PEBP4: variants seen among roughly 807,000 people sequenced by gnomAD.
PEBP4 encodes the protein phosphatidylethanolamine-binding protein 4.
A neutral mutation model predicts 23.9 loss-of-function variants in PEBP4; 22 were observed. The observed-to-expected ratio is 0.92, with a 90% CI of 0.66 to 1.31. PEBP4 has a LOEUF of 1.31. Ranked by LOEUF, PEBP4 falls within the 40% of genes most tolerant of loss-of-function variation. PEBP4 has a pLI of 0.00. For synonymous variants in PEBP4, 112 were observed against 99.3 expected, an observed-to-expected ratio of 1.13 and a Z score of -0.76; for missense variants, 324 against 281.7, an observed-to-expected ratio of 1.15 and a Z score of -1.07.
chr8:22,779,287 G>A (rs912170134), intron 4 of PEBP4, among the ~76,000 whole-genome samples: 7 of 152,128 alleles, frequency 4.6e-5, no homozygotes, highest in Non-Finnish European at 8.8e-5. Context: ...TACCAGGCAC[G>A]GGTGCTCCCC....
intron 3 of PEBP4, among the ~76,000 whole-genome samples, chr8:22,911,692 G>A (rs77980363): frequency 0.014 from 2,164 of 152,242 alleles, 58 homozygotes; most frequent in African/African-American, 0.049. Context: ...AATCCAAGAA[G>A]CCTTTGCTGA....
chr8:22,807,025 A>G (rs1168368797), intron 4 of PEBP4, among the ~76,000 whole-genome samples: 2 of 152,182 alleles, frequency 1.3e-5, no homozygotes. Context: ...CTGTTTTTGA[A>G]TTCCGATGTT....
intron 4 of PEBP4, among the ~76,000 whole-genome samples, chr8:22,809,697 C>A (rs1218320235): frequency 6.6e-6 from 1 of 152,192 alleles, no homozygotes; most frequent in Non-Finnish European, 1.5e-5. Flanking sequence ...CATCACTTGC[C>A]AAGTGCATCA....
At chr8:22,910,215 AGT>A in intron 3 of PEBP4, among the ~76,000 whole-genome samples, 1 of 152,362 alleles carries the variant, frequency 6.6e-6, no homozygotes, top group East Asian at 1.9e-4. Context: ...GGAGATGAAG[AGT>A]GTGAAATGAC....
rs1159171975 is a variant in PEBP4, at chr8:22,775,879, G to A, written c.357+41758C>T. Among the ~76,000 whole-genome samples, 2 of 152,142 alleles carry A rather than the reference G, an allele frequency of 1.3e-5. No individual in the cohort carries two copies. Among genetic ancestry groups the A allele is most frequent in the African/African-American group, 2.4e-5 (1 of 41,422 alleles). On this transcript the variant is annotated intron_variant, in intron 4 of 6. Transcript: ENST00000256404. The surrounding 1 kb of genome is among the most constrained non-coding windows in gnomAD (Gnocchi z 4.8). ...TCCTTGGCTCTTGGGGGGGTTTCCC[G>A]TTCTGGAGGCGCCGGCAGTGAGCTT...
intron 3 of PEBP4, among the ~76,000 whole-genome samples, chr8:22,878,924 G>A (rs1424445105): frequency 1.3e-5 from 2 of 152,212 alleles, no homozygotes; most frequent in South Asian, 2.1e-4. Flanking sequence ...ACAGAGCACC[G>A]GGTAGGGGGA....
intron 4 of PEBP4, among the ~76,000 whole-genome samples, chr8:22,808,251 C>G (rs1196892000): frequency 6.6e-6 from 1 of 152,056 alleles, no homozygotes. Flanking sequence ...ATCCATCCAT[C>G]CCTCCATCTA....
intron 3 of PEBP4, among the ~76,000 whole-genome samples, chr8:22,824,369 C>T (rs1806923645): frequency 6.6e-6 from 1 of 152,132 alleles, no homozygotes; most frequent in South Asian, 2.1e-4. Context: ...CTCTCCCTCC[C>T]TGCCCTGATG....
At chr8:22,796,376 A>G (rs1378426526) in intron 4 of PEBP4, among the ~76,000 whole-genome samples, 1 of 152,112 alleles carries the variant, frequency 6.6e-6, no homozygotes, top group Non-Finnish European at 1.5e-5. Context: ...AGAGCCCCAT[A>G]CAGTGCCCAG....
At chr8:22,931,273 T>A (rs1809452374), upstream of PEBP4, among the ~76,000 whole-genome samples, 1 of 152,220 alleles carries the variant, frequency 6.6e-6, no homozygotes, top group South Asian at 2.1e-4. Flanking sequence ...ACCCTTTTAA[T>A]ATATATAATC....
At chr8:22,792,024 G>T (rs991007465) in intron 4 of PEBP4, among the ~76,000 whole-genome samples, 1 of 132,212 alleles carries the variant, frequency 7.6e-6, no homozygotes, top group Non-Finnish European at 1.7e-5. Flanking sequence ...GCCTGGCTAA[G>T]AACTTTTTTT....
chr8:22,877,483 G>A (rs1808145701), intron 3 of PEBP4, among the ~76,000 whole-genome samples: 1 of 152,210 alleles, frequency 6.6e-6, no homozygotes, highest in Admixed American at 6.5e-5. Flanking sequence ...GAGCCAGCCA[G>A]AGCCAGGAGG....
chr8:22,881,166 G>C (rs1347542493), intron 3 of PEBP4, among the ~76,000 whole-genome samples: 1 of 152,204 alleles, frequency 6.6e-6, no homozygotes, highest in Non-Finnish European at 1.5e-5. Context: ...TGTCCATGGG[G>C]CCCCACAGGG....
chr8:22,847,568 C>T (rs56326848), intron 3 of PEBP4, among the ~76,000 whole-genome samples: 19,044 of 152,092 alleles, frequency 0.13, 1,408 homozygotes, highest in Middle Eastern at 0.22. Flanking sequence ...GCTAGGTCCC[C>T]CTCTGCTTCT....
intron 4 of PEBP4, among the ~76,000 whole-genome samples, chr8:22,809,272 A>G (rs1806565460): frequency 1.3e-5 from 2 of 152,130 alleles, no homozygotes; most frequent in South Asian, 4.1e-4. Flanking sequence ...GGAGGTAAAC[A>G]ATTTGCTCAT....
intron 1 of PEBP4, among the ~76,000 whole-genome samples, chr8:22,940,869 C>G (rs1037700956): frequency 2.0e-5 from 3 of 152,262 alleles, no homozygotes; most frequent in East Asian, 3.9e-4. Flanking sequence ...AAATTCCTAC[C>G]GCACACAAAC....
chr8:22,845,467 G>A (rs1031783182), intron 3 of PEBP4, among the ~76,000 whole-genome samples: 6 of 152,148 alleles, frequency 3.9e-5, no homozygotes, highest in Non-Finnish European at 1.5e-5. Flanking sequence ...AGGCTGCAGT[G>A]AGCCATGGGT....
intron 4 of PEBP4, among the ~76,000 whole-genome samples, chr8:22,810,687 T>G (rs1205641545): frequency 6.7e-6 from 1 of 149,836 alleles, no homozygotes; most frequent in Admixed American, 6.7e-5. Flanking sequence ...TGTGTGTGTG[T>G]GTGTGTGTGT....
chr8:22,927,787 C>T, intron 1 of PEBP4, 36 bp downstream of exon 1: 1 of 1,591,798 alleles, frequency 6.3e-7, no homozygotes, highest in South Asian at 1.1e-5. Flanking sequence ...CTACCTGTGC[C>T]CCCGACCCCA....
Sources: gnomAD v4.1 joint callset for allele counts (sites outside exome capture counted in the v4.1 genomes callset) on GRCh38, gnomAD v4.1.1 for gene constraint, Gnocchi (gnomAD v3.1) non-coding constraint, MANE v1.5 for transcripts, NCBI Gene and HGNC (gene_info 2026-07-23, HGNC 2026-07-21) for gene names.